GGA2: variants seen among roughly 807,000 people sequenced by gnomAD.
The protein encoded by GGA2 is ADP-ribosylation factor-binding protein GGA2.
In GGA2, 48 loss-of-function variants were observed where a neutral mutation model predicts 79.5. The ratio of observed to expected loss-of-function variants is 0.60; its 90% CI spans 0.48 to 0.77. The LOEUF (loss-of-function observed/expected upper bound fraction) is 0.77, where lower values mean the gene tolerates loss of function less well. Among genes scored for constraint, GGA2 ranks in the 30% least tolerant of loss-of-function variants. The pLI, the probability that GGA2 is intolerant of heterozygous loss-of-function variation, is 0.00. For missense variants in GGA2, 770 were observed against 774.0 expected, an observed-to-expected ratio of 0.99 and a Z score of 0.06; for synonymous variants, 317 against 302.0, an observed-to-expected ratio of 1.05 and a Z score of -0.51.
chr16:23,472,029 A>G (rs1964517067), intron 14 of GGA2, among the ~76,000 whole-genome samples: 1 of 152,166 alleles, frequency 6.6e-6, no homozygotes, highest in African/African-American at 2.4e-5. Context: ...CAACCTTTTC[A>G]GACGGGAAAT....
chr16:23,482,820 C>A, intron 9 of GGA2, 103 bp downstream of exon 9: 1 of 776,126 alleles, frequency 1.3e-6, no homozygotes, highest in South Asian at 1.4e-5. Flanking sequence ...TCCACGGAAC[C>A]GAAAGTCCAC....
intron 1 of GGA2, among the ~76,000 whole-genome samples, chr16:23,504,228 T>G (rs1964950760): frequency 6.6e-6 from 1 of 152,046 alleles, no homozygotes; most frequent in Non-Finnish European, 1.5e-5. Context: ...AAACAAAAAT[T>G]AAGTCATAGG....
intron 1 of GGA2, among the ~76,000 whole-genome samples, chr16:23,520,210 G>A (rs1302442144): frequency 5.2e-5 from 7 of 135,096 alleles, no homozygotes; most frequent in South Asian, 2.3e-4. Flanking sequence ...CCAAGATCAC[G>A]CCATTGCATG....
chr16:23,483,618 C>T (rs1964676385), intron 8 of GGA2, among the ~76,000 whole-genome samples: 1 of 151,546 alleles, frequency 6.6e-6, no homozygotes, highest in Non-Finnish European at 1.5e-5. Flanking sequence ...CTGGCACAGA[C>T]AGGCTGTGGT....
chr16:23,515,979 C>T (rs547135315), intron 2 of GGA2, among the ~76,000 whole-genome samples: 1 of 151,130 alleles, frequency 6.6e-6, no homozygotes, highest in African/African-American at 2.4e-5. Context: ...GCTGGGATTA[C>T]AATTACAGGC....
At chr16:23,478,550 C>A (rs771587955) in intron 12 of GGA2, 49 bp from the exon 13 acceptor site, 76 of 1,586,464 alleles carry the variant, frequency 4.8e-5, no homozygotes, top group Non-Finnish European at 5.9e-5. Flanking sequence ...GAATGACCAT[C>A]AGCCACAGTA....
rs1173251936 is a variant in GGA2, at chr16:23,510,434, C to G, written c.-23G>C. 2 of 967,732 alleles carry G rather than the reference C, an allele frequency of 2.1e-6. No homozygotes were observed. The highest frequency in any genetic ancestry group is 3.3e-5 in the East Asian group (1 of 30,268). The allele number at this position is 967,732 out of a possible 1,614,324, so 59.9% of individuals were successfully genotyped here. A position where few individuals can be genotyped will look rare whatever the true frequency, so the allele number is the denominator to read the frequency against. ...CATCGCTCCAGCCCCGACGCTGCGG[C>G]CGCGGGCGCCACTGCCTCTTCAGCC... is the stretch of plus-strand genomic sequence containing the variant. On this transcript the variant is annotated 5_prime_UTR_variant, in exon 1 of 17. Transcript: ENST00000309859.
At chr16:23,513,622 A>G (rs1003008753), upstream of GGA2, among the ~76,000 whole-genome samples, 1 of 151,772 alleles carries the variant, frequency 6.6e-6, no homozygotes. Context: ...CGTGTCTACA[A>G]AAAAATACAA....
chr16:23,513,326 C>T (rs1381486972), upstream of GGA2, among the ~76,000 whole-genome samples: 1 of 152,144 alleles, frequency 6.6e-6, no homozygotes, highest in African/African-American at 2.4e-5. Flanking sequence ...CAAAGGTTCT[C>T]TGACCTCCTG....
At chr16:23,484,483 AAAGG>A (rs1596984383) in intron 8 of GGA2, among the ~76,000 whole-genome samples, 1 of 152,312 alleles carries the variant, frequency 6.6e-6, no homozygotes, top group African/African-American at 2.4e-5. Flanking sequence ...AAGACAGCCC[AAAGG>A]AAGGGAGAAA....
rs77075829 is a variant in GGA2 at position 23,484,961 on chromosome 16, T to C, written c.798+1054A>G. On this transcript the variant is annotated intron_variant, in intron 8 of 16. Coordinates refer to ENST00000309859, the MANE Select transcript of GGA2 (RefSeq NM_015044.4). ...AATAATTCAAAGGCATCATTCATAA[T>C]AGCCAAAAAGTAGGAACAACCCAAA... is the stretch of plus-strand genomic sequence containing the variant. Among the ~76,000 whole-genome samples, 886 of 152,300 alleles carry C rather than the reference T, an allele frequency of 5.8e-3. 15 individuals are homozygous for C. The highest frequency in any genetic ancestry group is 0.02 in the African/African-American group (841 of 41,568).
intron 1 of GGA2, among the ~76,000 whole-genome samples, chr16:23,498,105 T>TC (rs978727436): frequency 6.0e-5 from 9 of 150,814 alleles, no homozygotes; most frequent in Admixed American, 6.0e-4. Context: ...CACGGTGAAA[T>TC]CCCGTCTCTA....
At chr16:23,467,724 G>C in intron 16 of GGA2, 24 bp from the exon 17 acceptor site, 1 of 1,208,966 alleles carries the variant, frequency 8.3e-7, no homozygotes, top group Non-Finnish European at 1.2e-6. Context: ...GACAGAAGAT[G>C]TCAAATCAGT....
Position 23,464,378 on chromosome 16 carries a change from G to C in GGA2, c.*3212C>G, listed in dbSNP as rs1422070228. ...GGTGAAGCAGGCCCTGGTCTTGGCA[G>C]ATGATACCAGAAGGGCACTGAGTGC... On this transcript the variant is annotated 3_prime_UTR_variant, in exon 17 of 17. Coordinates refer to ENST00000309859, the MANE Select transcript of GGA2 (RefSeq NM_015044.4). 6.6e-6 allele frequency: 1 copy of C among 152,178 alleles called. No homozygotes were observed. Among genetic ancestry groups the C allele is most frequent in the Non-Finnish European group, 1.5e-5 (1 of 68,034 alleles). 9.4% of individuals were successfully genotyped at this position (152,178 alleles called of 1,614,324 possible).
chr16:23,473,467 G>A (rs1481796808), intron 14 of GGA2, among the ~76,000 whole-genome samples: 2 of 150,076 alleles, frequency 1.3e-5, no homozygotes, highest in East Asian at 2.0e-4. Context: ...CTCCTGAGTA[G>A]CTGGGATTAC....
intron 14 of GGA2, among the ~76,000 whole-genome samples, chr16:23,474,634 C>T (rs536907514): frequency 1.5e-4 from 23 of 151,758 alleles, no homozygotes; most frequent in South Asian, 1.5e-3. Context: ...TTCTTCCCCC[C>T]CAAATAGAGA....
At chr16:23,488,041 A>G (rs1964737477) in intron 6 of GGA2, among the ~76,000 whole-genome samples, 1 of 152,020 alleles carries the variant, frequency 6.6e-6, no homozygotes, top group East Asian at 1.9e-4. Context: ...CCCTCTAGAT[A>G]CTGATGTCCA....
rs1335300387 is a variant in GGA2 at position 23,481,602 on chromosome 16, A to G, written c.881-832T>C. 4.6e-5 allele frequency among the ~76,000 whole-genome samples: 7 copies of G among 152,054 alleles called. No individual in the cohort carries two copies. The South Asian group carries it at 8.3e-4, about 18-fold the overall frequency. On this transcript the variant is annotated intron_variant, in intron 9 of 16. Transcript: ENST00000309859. The stretch of plus-strand genomic sequence containing the variant: ...AGCCTGGCCAACATGGCAAAACTCC[A>G]TCTCTACTAAAAGTACAAAAATTAG...
intron 1 of GGA2, among the ~76,000 whole-genome samples, chr16:23,519,962 T>C (rs901979008): frequency 4.6e-5 from 7 of 152,236 alleles, no homozygotes; most frequent in Admixed American, 2.0e-4. Flanking sequence ...ACTTCATATA[T>C]GTTGCCAGGC....
Sources: gnomAD v4.1 joint callset for allele counts (sites outside exome capture counted in the v4.1 genomes callset) on GRCh38, gnomAD v4.1.1 for gene constraint, MANE v1.5 for transcripts, NCBI Gene and HGNC (gene_info 2026-07-23, HGNC 2026-07-21) for gene names.